The following ZPBP variants were observed in gnomAD, a reference collection of about 807,000 sequenced individuals.
ZPBP encodes the protein zona pellucida-binding protein 1.
In ZPBP, 26 loss-of-function variants were observed where a neutral mutation model predicts 44.8. That is an observed-to-expected ratio of 0.58 (90% CI 0.43 to 0.81). ZPBP has a LOEUF of 0.81. ZPBP is among the 30% of genes least tolerant of loss of function. The pLI is 0.00. For missense variants in ZPBP, 409 were observed against 434.0 expected (o/e 0.94, Z 0.51); for synonymous variants, 174 against 153.2 (o/e 1.14, Z -1.00).
At chr7:50,057,139 C>T (rs55689906) in intron 4 of ZPBP, among the ~76,000 whole-genome samples, 1,807 of 150,132 alleles carry the variant, frequency 0.012, 43 homozygotes, top group African/African-American at 0.041. Flanking sequence ...GAGCTGAGAT[C>T]GCACCACTGC....
intron 2 of ZPBP, among the ~76,000 whole-genome samples, chr7:49,898,579 TAC>T (rs952316198): frequency 6.6e-5 from 10 of 152,104 alleles, no homozygotes; most frequent in African/African-American, 1.2e-4. Flanking sequence ...CATATGTATA[TAC>T]ACACACACAT....
chr7:49,948,690 G>A (rs554636945), intron 7 of ZPBP, among the ~76,000 whole-genome samples: 56 of 152,012 alleles, frequency 3.7e-4, no homozygotes, highest in Non-Finnish European at 6.6e-4. Flanking sequence ...ACAATGAGAC[G>A]ACAAGTATCA....
At chr7:49,909,283 G>A (rs1296525480) in intron 1 of ZPBP, among the ~76,000 whole-genome samples, 8 of 152,160 alleles carry the variant, frequency 5.3e-5, no homozygotes, top group Non-Finnish European at 1.0e-4. Flanking sequence ...TGAAATAAAA[G>A]CAGACTGTAT....
At chr7:49,932,824 A>T (rs1258853850), downstream of ZPBP, among the ~76,000 whole-genome samples, 1 of 152,106 alleles carries the variant, frequency 6.6e-6, no homozygotes, top group Admixed American at 6.5e-5. Flanking sequence ...TCATGGAAGC[A>T]GTTTCCCCCA....
At chr7:49,873,246 T>C (rs1048150037) in intron 2 of ZPBP, among the ~76,000 whole-genome samples, 15 of 152,328 alleles carry the variant, frequency 9.8e-5, no homozygotes, top group African/African-American at 3.1e-4. Flanking sequence ...TTTTACAGTT[T>C]TGGTGGCTGG....
intron 7 of ZPBP, among the ~76,000 whole-genome samples, chr7:49,960,692 C>T (rs1373297766): frequency 1.3e-5 from 2 of 151,890 alleles, no homozygotes; most frequent in African/African-American, 2.4e-5. Context: ...GAAAGATAGT[C>T]GAACAAAGTA....
chr7:50,037,190 A>C (rs1358481009), intron 4 of ZPBP, among the ~76,000 whole-genome samples: 1 of 152,214 alleles, frequency 6.6e-6, no homozygotes, highest in African/African-American at 2.4e-5. Context: ...TGGGAGACAG[A>C]CTTCTGACTA....
At chr7:49,948,739 G>A (rs1795208309) in intron 7 of ZPBP, among the ~76,000 whole-genome samples, 2 of 152,120 alleles carry the variant, frequency 1.3e-5, no homozygotes, top group African/African-American at 4.8e-5. Flanking sequence ...AGGACATGGA[G>A]AAATTGTGAG....
intron 6 of ZPBP, among the ~76,000 whole-genome samples, chr7:50,011,338 G>T (rs1051977343): frequency 1.3e-5 from 2 of 152,038 alleles, no homozygotes; most frequent in Non-Finnish European, 2.9e-5. Flanking sequence ...AAAAGCAAAT[G>T]CAACAAAAAC....
chr7:50,011,637 A>G (rs1798589285), intron 6 of ZPBP, among the ~76,000 whole-genome samples: 1 of 152,236 alleles, frequency 6.6e-6, no homozygotes, highest in Non-Finnish European at 1.5e-5. Flanking sequence ...GAAGGACTTA[A>G]AATATACACA....
intron 2 of ZPBP, among the ~76,000 whole-genome samples, chr7:49,895,205 G>A (rs1168269398): frequency 1.3e-5 from 2 of 152,132 alleles, no homozygotes; most frequent in Non-Finnish European, 2.9e-5. Flanking sequence ...CACACAGTGG[G>A]CAGGGGAGGG....
chr7:50,073,972 C>T (rs577823982), intron 3 of ZPBP, among the ~76,000 whole-genome samples: 14 of 151,996 alleles, frequency 9.2e-5, no homozygotes, highest in Non-Finnish European at 1.6e-4. Flanking sequence ...GTACAAAACT[C>T]GCAGGTAATA....
chr7:49,889,436 G>C (rs1792035813), intron 2 of ZPBP, among the ~76,000 whole-genome samples: 1 of 152,186 alleles, frequency 6.6e-6, no homozygotes, highest in Admixed American at 6.5e-5. Flanking sequence ...TCAAATGTGG[G>C]GAAGTAGAGG....
chr7:50,001,752 C>T (rs1230774499), intron 6 of ZPBP, among the ~76,000 whole-genome samples: 1 of 152,082 alleles, frequency 6.6e-6, no homozygotes, highest in African/African-American at 2.4e-5. Flanking sequence ...TGATGGGAAA[C>T]CCGGGAGGAC....
chr7:49,998,167 C>T (rs757505825), intron 6 of ZPBP, among the ~76,000 whole-genome samples: 6 of 152,214 alleles, frequency 3.9e-5, no homozygotes, highest in Non-Finnish European at 7.3e-5. Context: ...CCACCCACCT[C>T]GGTCTCCCAA....
intron 3 of ZPBP, among the ~76,000 whole-genome samples, chr7:50,064,019 T>C (rs1325730406): frequency 1.3e-5 from 2 of 152,208 alleles, no homozygotes; most frequent in Admixed American, 6.5e-5. Flanking sequence ...TCCAGTCTCT[T>C]ATGTATCGGG....
downstream of ZPBP, among the ~76,000 whole-genome samples, chr7:49,847,606 C>A (rs1050719337): frequency 1.3e-5 from 2 of 152,150 alleles, no homozygotes; most frequent in African/African-American, 4.8e-5. Context: ...AGAGGGTGTT[C>A]TATTGAGGAA....
rs1333727203 is a variant in ZPBP, at chr7:50,093,155, G to A, written c.40C>T (p.Arg14Trp). Residue 14 changes from arginine (R) to tryptophan (W), a missense_variant, in exon 1 of 8, where the codon CGG (arginine) becomes TGG (tryptophan). Physicochemically the swap from Arg to Trp is moderately radical, Grantham distance 101 (BLOSUM62 -3). Around this residue, in one of 2 missense-constraint regions of ZPBP, gnomAD observed 367 missense variants for 363.1 expected, o/e 1.01. Coordinates refer to ENST00000046087, the MANE Select transcript of ZPBP (RefSeq NM_007009.3). The part of the protein sequence containing the change: ...FALGPARRGR[R>W]RTRAAGSLLS... ...AGGGAGCCGGCGGCCCGGGTCCGCCGCCTGCCCCGCCGCGCTGGGCCAAGG... is the reference window on the plus strand; with the variant it reads ...AGGGAGCCGGCGGCCCGGGTCCGCCACCTGCCCCGCCGCGCTGGGCCAAGG... 4 of 1,537,472 alleles carry A rather than the reference G, an allele frequency of 2.6e-6. No homozygotes were observed. In the East Asian group the frequency reaches 7.5e-5, roughly 29 times the overall value.
Position 49,938,111 on chromosome 7 carries a change from T to C in ZPBP, c.962-489A>G, listed in dbSNP as rs146275760. On this transcript the variant is annotated intron_variant, in intron 7 of 7. Transcript: ENST00000046087. ...CAGGACATAGACCAGTACTGTTCCC[T>C]GGCCTGGGGGTTGGGGACCCCTGCT... Among the ~76,000 whole-genome samples, 158 of 152,292 alleles carry C rather than the reference T, an allele frequency of 1.0e-3. 1 individual carries two copies. The highest frequency in any genetic ancestry group is 3.7e-3 in the African/African-American group (153 of 41,582).
Sources: gnomAD v4.1 joint callset for allele counts (sites outside exome capture counted in the v4.1 genomes callset) on GRCh38, gnomAD v4.1.1 for gene constraint, gnomAD v4.1.1 regional missense constraint, MANE v1.5 for transcripts, NCBI Gene and HGNC (gene_info 2026-07-23, HGNC 2026-07-21) for gene names.